Variants in TSPEAR observed in about 807,000 individuals in gnomAD.
TSPEAR encodes thrombospondin-type laminin G domain and EAR repeat-containing protein.
In TSPEAR, 69 loss-of-function variants were observed where a neutral mutation model predicts 71.6. The observed-to-expected ratio is 0.96, with a 90% CI of 0.79 to 1.18. TSPEAR has a LOEUF of 1.18. TSPEAR is among the 50% of genes most tolerant of loss of function. The probability of loss-of-function intolerance (pLI) is 0.00; values close to 1 mark genes in which losing one functional copy is unlikely to be tolerated. For synonymous variants in TSPEAR, 402 were observed against 387.2 expected (o/e 1.04, Z -0.45); for missense variants, 971 against 894.9 (o/e 1.09, Z -1.09).
intron 1 of TSPEAR, among the ~76,000 whole-genome samples, chr21:44,663,032 TTATC>T (rs1555944022): frequency 6.6e-6 from 1 of 151,854 alleles, no homozygotes; most frequent in Non-Finnish European, 1.5e-5. Flanking sequence ...CTGAAATCAA[TTATC>T]TAAGTTTGCA....
Position 44,509,283 on chromosome 21 carries a change from T to G in TSPEAR, c.1670A>C (p.Asp557Ala). Residue 557 changes from aspartate (D) to alanine (A), a missense_variant, in exon 10 of 12, where the codon GAT becomes GCT. Physicochemically the swap from Asp to Ala is moderately radical, Grantham distance 126. Coordinates refer to ENST00000323084, the MANE Select transcript of TSPEAR (RefSeq NM_144991.3). ...SYDVEMQVQN[D>A]SYVINSVIYE... ...GATGACGGAGTTGATGACATAGGAA[T>G]CATTCTGGACTTGCATCTCCACATC... 2 of 1,614,038 alleles carry G rather than the reference T, an allele frequency of 1.2e-6. No individual in the cohort carries two copies. Among genetic ancestry groups the G allele is most frequent in the Non-Finnish European group, 1.7e-6 (2 of 1,180,014 alleles).
At chr21:44,503,349 A>C (rs1555911419) in intron 11 of TSPEAR, among the ~76,000 whole-genome samples, 1 of 119,984 alleles carries the variant, frequency 8.3e-6, no homozygotes, top group Non-Finnish European at 1.8e-5. Flanking sequence ...GGGGGAAGCA[A>C]GGCTCTGGGA....
intron 1 of TSPEAR, chr21:44,574,711 G>T: frequency 6.2e-7 from 1 of 1,608,940 alleles, no homozygotes; most frequent in Non-Finnish European, 8.5e-7. Flanking sequence ...CAGGGCTGCT[G>T]CGTGCCCGTC....
At chr21:44,556,162 T>C (rs868958434) in intron 2 of TSPEAR, among the ~76,000 whole-genome samples, 208 of 151,520 alleles carry the variant, frequency 1.4e-3, no homozygotes, top group African/African-American at 4.8e-3. Context: ...CAGATCGCGA[T>C]GTCAGGAGTT....
At chr21:44,518,872 G>T (rs1369672335) in intron 9 of TSPEAR, 1 of 357,844 alleles carries the variant, frequency 2.8e-6, no homozygotes, top group African/African-American at 2.1e-5. Context: ...GCACGTTCAT[G>T]TCAGGGCACC....
At chr21:44,645,808 G>A (rs1412571067) in intron 1 of TSPEAR, among the ~76,000 whole-genome samples, 3 of 152,038 alleles carry the variant, frequency 2.0e-5, no homozygotes, top group Admixed American at 1.3e-4. Flanking sequence ...TTGGAGAAAC[G>A]TTCATCTCTA....
chr21:44,558,864 C>G, intron 2 of TSPEAR: 1 of 1,027,282 alleles, frequency 9.7e-7, no homozygotes, highest in Non-Finnish European at 1.4e-6. Context: ...TGCCTGGCTT[C>G]GAGAAGCCTT....
At chr21:44,672,544 T>C (rs781934869) in intron 1 of TSPEAR, among the ~76,000 whole-genome samples, 2 of 151,378 alleles carry the variant, frequency 1.3e-5, no homozygotes, top group African/African-American at 2.4e-5. Context: ...CACTGCAGGC[T>C]GGGCGATAGA....
At position 44,692,447 on chromosome 21, in the gene TSPEAR, T is replaced by C. The variant is rs1374373848; in HGVS notation, c.82+18986A>G. Among the ~76,000 whole-genome samples the C allele has an allele frequency of 3.3e-5, 5 of 152,162 alleles. No individual in the cohort carries two copies. In the East Asian group the frequency reaches 9.6e-4, roughly 29 times the overall value. ...TCTATTCACGGGTGACATGATCATGTCTATAGAAAATCCCAAAGAATCCAC... is the reference window on the plus strand; with the variant it reads ...TCTATTCACGGGTGACATGATCATGCCTATAGAAAATCCCAAAGAATCCAC... On this transcript the variant is annotated intron_variant, in intron 1 of 11. Transcript: ENST00000323084.
chr21:44,627,553 C>A (rs1555934715), intron 1 of TSPEAR: 3 of 1,613,604 alleles, frequency 1.9e-6, no homozygotes, highest in Non-Finnish European at 2.5e-6. Context: ...TAGCTACCAG[C>A]CAGCTTGCTG....
At chr21:44,654,458 A>T (rs782637147) in intron 1 of TSPEAR, 1 of 1,614,000 alleles carries the variant, frequency 6.2e-7, no homozygotes, top group Non-Finnish European at 8.5e-7. Context: ...CAGCAGGTGG[A>T]TACCCCACAC....
intron 2 of TSPEAR, among the ~76,000 whole-genome samples, chr21:44,559,793 C>T (rs1201125945): frequency 1.3e-5 from 2 of 152,128 alleles, no homozygotes; most frequent in Non-Finnish European, 2.9e-5. Flanking sequence ...ACTCTATGAT[C>T]GCTATTTTCT....
chr21:44,548,103 T>C (rs1010631968), intron 2 of TSPEAR, among the ~76,000 whole-genome samples: 2 of 152,264 alleles, frequency 1.3e-5, no homozygotes, highest in Admixed American at 1.3e-4. Flanking sequence ...TCAGTGTAGC[T>C]GCTCTCTGCC....
chr21:44,550,446 G>A, intron 2 of TSPEAR: 1 of 675,076 alleles, frequency 1.5e-6, no homozygotes. Flanking sequence ...TCCCCAACCA[G>A]CGACCAGCGA....
intron 1 of TSPEAR, among the ~76,000 whole-genome samples, chr21:44,590,900 C>A (rs1310147204): frequency 2.6e-5 from 4 of 152,090 alleles, no homozygotes; most frequent in Non-Finnish European, 5.9e-5. Flanking sequence ...GACTGGCCTT[C>A]AGGGTTCACA....
chr21:44,666,959 A>G (rs1985816896), intron 1 of TSPEAR: 6 of 1,518,720 alleles, frequency 4.0e-6, no homozygotes. Context: ...GGCAGCCTTT[A>G]TACCTGGGCC....
intron 1 of TSPEAR, among the ~76,000 whole-genome samples, chr21:44,575,852 A>G (rs1978404278): frequency 6.6e-6 from 1 of 152,092 alleles, no homozygotes; most frequent in South Asian, 2.1e-4. Context: ...ACCCTGTGTG[A>G]GCAGAATCAT....
chr21:44,558,808 G>A (rs965486832), intron 2 of TSPEAR: 1 of 1,483,720 alleles, frequency 6.7e-7, no homozygotes, highest in Admixed American at 2.1e-5. Flanking sequence ...CCAGGCCTCT[G>A]AGTGGTCGGA....
chr21:44,647,500 A>C, intron 1 of TSPEAR: 1 of 975,030 alleles, frequency 1.0e-6, no homozygotes, highest in Non-Finnish European at 1.5e-6. Context: ...AGCGCGTCAC[A>C]CTTTCCTCCC....
Sources: gnomAD v4.1 joint callset for allele counts (sites outside exome capture counted in the v4.1 genomes callset) on GRCh38, gnomAD v4.1.1 for gene constraint, MANE v1.5 for transcripts, NCBI Gene and HGNC (gene_info 2026-07-23, HGNC 2026-07-21) for gene names.